Variants in PDE3A observed in about 807,000 individuals in gnomAD.
PDE3A encodes the protein phosphodiesterase 3A, also known as cGMP-inhibited 3',5'-cyclic phosphodiesterase 3A.
In PDE3A, 43 loss-of-function variants were observed where a neutral mutation model predicts 98.3. The ratio of observed to expected loss-of-function variants is 0.44; its 90% confidence interval spans 0.34 to 0.56. PDE3A has a LOEUF of 0.56. Among genes scored for constraint, PDE3A ranks in the 20% least tolerant of loss-of-function variants. The pLI is 0.01. For missense variants in PDE3A, 1,427 were observed against 1,440.7 expected (o/e 0.99, Z 0.15); for synonymous variants, 663 against 567.9 (o/e 1.17, Z -2.38).
At chr12:20,574,652 AT>A (rs1403797276) in intron 2 of PDE3A, among the ~76,000 whole-genome samples, 8 of 151,892 alleles carry the variant, frequency 5.3e-5, no homozygotes, top group African/African-American at 1.9e-4. Context: ...CCACCTGTAT[AT>A]CATGCTATAC....
At chr12:20,425,763 C>T (rs895966054) in intron 1 of PDE3A, among the ~76,000 whole-genome samples, 1 of 152,152 alleles carries the variant, frequency 6.6e-6, no homozygotes, top group East Asian at 1.9e-4. Context: ...TCCCAAGTGT[C>T]TGGCACTATG....
chr12:20,461,220 C>T (rs1945242604), intron 1 of PDE3A, among the ~76,000 whole-genome samples: 2 of 116,746 alleles, frequency 1.7e-5, no homozygotes, highest in African/African-American at 7.1e-5. Context: ...AGGCCTCAGG[C>T]TAGGAGTGTT....
chr12:20,587,239 C>T (rs1470294040), intron 2 of PDE3A, among the ~76,000 whole-genome samples: 1 of 152,092 alleles, frequency 6.6e-6, no homozygotes, highest in African/African-American at 2.4e-5. Flanking sequence ...GAGGTGGTTG[C>T]GTGCCTGTAA....
chr12:20,387,554 T>C (rs1943834482), intron 1 of PDE3A, among the ~76,000 whole-genome samples: 1 of 152,006 alleles, frequency 6.6e-6, no homozygotes, highest in African/African-American at 2.4e-5. Flanking sequence ...CAAATCCCAA[T>C]TCCATCAAAG....
At chr12:20,401,009 G>T (rs998723327) in intron 1 of PDE3A, among the ~76,000 whole-genome samples, 1 of 152,124 alleles carries the variant, frequency 6.6e-6, no homozygotes, top group Non-Finnish European at 1.5e-5. Flanking sequence ...GGCTGGGTTT[G>T]GGTCCGGGTC....
chr12:20,655,838 G>A (rs1437222803), intron 15 of PDE3A, among the ~76,000 whole-genome samples: 3 of 152,196 alleles, frequency 2.0e-5, no homozygotes, highest in Non-Finnish European at 4.4e-5. Context: ...AGGGCGGTCA[G>A]TTAGGAGACC....
chr12:20,554,406 AT>A (rs199618796), intron 1 of PDE3A, among the ~76,000 whole-genome samples: 75 of 119,448 alleles, frequency 6.3e-4, no homozygotes, highest in African/African-American at 1.6e-3. Flanking sequence ...GATTTATTTA[AT>A]TTTTTTTTTA....
chr12:20,657,915 G>A (rs1945080089), intron 15 of PDE3A, among the ~76,000 whole-genome samples: 1 of 152,176 alleles, frequency 6.6e-6, no homozygotes, highest in Admixed American at 6.5e-5. Flanking sequence ...ATAACTTTAA[G>A]ATGAAATAAT....
intron 1 of PDE3A, among the ~76,000 whole-genome samples, chr12:20,409,455 C>T (rs1020026381): frequency 1.3e-5 from 2 of 151,980 alleles, no homozygotes; most frequent in African/African-American, 4.8e-5. Context: ...TAATTTTTAC[C>T]TACAATTTGA....
intron 1 of PDE3A, among the ~76,000 whole-genome samples, chr12:20,413,182 C>A (rs1234146592): frequency 1.3e-5 from 2 of 152,114 alleles, no homozygotes; most frequent in Non-Finnish European, 2.9e-5. Context: ...GTCTATGGGA[C>A]CAGTGAAAAC....
chr12:20,572,926 A>C (rs75960733), intron 2 of PDE3A, among the ~76,000 whole-genome samples: 1 of 152,020 alleles, frequency 6.6e-6, no homozygotes, highest in East Asian at 1.9e-4. Flanking sequence ...TCTTCCCCCC[A>C]TACTGTACTG....
At chr12:20,400,272 C>T (rs559820338) in intron 1 of PDE3A, among the ~76,000 whole-genome samples, 1 of 151,926 alleles carries the variant, frequency 6.6e-6, no homozygotes, top group East Asian at 1.9e-4. Flanking sequence ...AATGAAAGAC[C>T]TCGAGAGTCC....
chr12:20,657,948 G>T (rs1302970235), intron 15 of PDE3A, among the ~76,000 whole-genome samples: 2 of 152,158 alleles, frequency 1.3e-5, no homozygotes, highest in African/African-American at 4.8e-5. Context: ...AAGAGTGTTT[G>T]CTACAACTGT....
intron 1 of PDE3A, among the ~76,000 whole-genome samples, chr12:20,469,395 G>C (rs928636246): frequency 6.6e-6 from 1 of 152,032 alleles, no homozygotes; most frequent in Non-Finnish European, 1.5e-5. Context: ...CCCTATGCTC[G>C]CAGTCGTAGT....
intron 2 of PDE3A, among the ~76,000 whole-genome samples, chr12:20,612,934 G>A (rs977613489): frequency 1.3e-5 from 2 of 151,672 alleles, no homozygotes; most frequent in East Asian, 3.9e-4. Flanking sequence ...GCACACAAAT[G>A]GAGTTTTTTT....
chr12:20,417,698 G>T (rs372499405), intron 1 of PDE3A, among the ~76,000 whole-genome samples: 50 of 152,264 alleles, frequency 3.3e-4, no homozygotes, highest in African/African-American at 1.2e-3. Flanking sequence ...TAACCCACCA[G>T]TGTTTTACAG....
intron 1 of PDE3A, among the ~76,000 whole-genome samples, chr12:20,524,353 G>C (rs1347791906): frequency 6.6e-6 from 1 of 152,132 alleles, no homozygotes; most frequent in Non-Finnish European, 1.5e-5. Flanking sequence ...ACAGCCTAGA[G>C]TAGCCATTAC....
chr12:20,609,424 T>A (rs1292269433), intron 2 of PDE3A, among the ~76,000 whole-genome samples: 2 of 151,968 alleles, frequency 1.3e-5, no homozygotes, highest in African/African-American at 4.8e-5. Context: ...CAGAAATATA[T>A]AGAAAAATAT....
chr12:20,441,950 T>G (rs1944877076), intron 1 of PDE3A, among the ~76,000 whole-genome samples: 1 of 152,222 alleles, frequency 6.6e-6, no homozygotes, highest in African/African-American at 2.4e-5. Context: ...TTGTAACTAC[T>G]TTCCTTTCTC....
Sources: gnomAD v4.1 joint callset for allele counts (sites outside exome capture counted in the v4.1 genomes callset) on GRCh38, gnomAD v4.1.1 for gene constraint, MANE v1.5 for transcripts, NCBI Gene and HGNC (gene_info 2026-07-23, HGNC 2026-07-21) for gene names.